Variants in APTX observed in about 807,000 individuals in gnomAD.
APTX encodes the protein aprataxin, also known as forkhead-associated domain histidine triad-like protein.
APTX carries 33 observed loss-of-function variants against 42.3 expected under a neutral mutation model. The ratio of observed to expected loss-of-function variants is 0.78; its 90% CI spans 0.59 to 1.04. The LOEUF (loss-of-function observed/expected upper bound fraction) is 1.04, where lower values mean the gene tolerates loss of function less well. Ranked by LOEUF, APTX falls within the 50% of genes least tolerant of loss-of-function variation. The pLI is 0.00. For synonymous variants in APTX, 130 were observed against 146.7 expected, an observed-to-expected ratio of 0.89 and a Z score of 0.82; for missense variants, 421 against 415.1, an observed-to-expected ratio of 1.01 and a Z score of -0.12.
chr9:33,013,204 T>C (rs1837660091), intron 1 of APTX, among the ~76,000 whole-genome samples: 1 of 152,226 alleles, frequency 6.6e-6, no homozygotes, highest in East Asian at 1.9e-4. Flanking sequence ...TCTGCACACC[T>C]TGTACATGTT....
intron 7 of APTX, among the ~76,000 whole-genome samples, chr9:32,974,057 T>A (rs527983160): frequency 1.3e-5 from 2 of 152,066 alleles, no homozygotes; most frequent in Admixed American, 6.6e-5. Context: ...TTCTTCTACA[T>A]ATACACAGGG....
At position 32,986,207 on chromosome 9, in the gene APTX, C is replaced by T. The variant is rs531621797; in HGVS notation, c.484-177G>A. 6.6e-6 allele frequency: 5 copies of T among 753,334 alleles called. No individual in the cohort carries two copies. In the East Asian group the frequency reaches 9.9e-5, roughly 15 times the overall value. 46.7% of individuals were successfully genotyped at this position (753,334 alleles called of 1,614,324 possible). ...CACTTGACTCTGCTTCACTCCATTGCCTTCCTATATTCTCTTTTTTTTTGA... is the reference window on the plus strand; with the variant it reads ...CACTTGACTCTGCTTCACTCCATTGTCTTCCTATATTCTCTTTTTTTTTGA... On this transcript the variant is annotated intron_variant, in intron 4 of 7. Transcript: ENST00000379817.
At chr9:33,019,774 A>G in intron 1 of APTX, 7 of 599,650 alleles carry the variant, frequency 1.2e-5, no homozygotes, top group East Asian at 3.3e-5. Context: ...GAAAGTTGAT[A>G]AGGGAAATTC....
chr9:32,990,677 G>A (rs1833393037), intron 1 of APTX, among the ~76,000 whole-genome samples: 1 of 152,194 alleles, frequency 6.6e-6, no homozygotes, highest in Non-Finnish European at 1.5e-5. Flanking sequence ...TAAAAGGACT[G>A]ACTGACTCTT....
At position 33,011,151 on chromosome 9, in the gene APTX, G is replaced by GA. The variant is rs879879032; in HGVS notation, c.-5+13871dup. Among the ~76,000 whole-genome samples, 361 of 146,352 alleles carry GA rather than the reference G, an allele frequency of 2.5e-3. 1 individual carries two copies. The highest frequency in any genetic ancestry group is 2.2e-3 in the Non-Finnish European group (144 of 66,038). The stretch of plus-strand genomic sequence containing the variant: ...GAGTGAGACTCCGTCTCAAAAAAAA[G>GA]AAAAAAAAAAGTGGTGAGGATGTCT... On this transcript the variant is annotated intron_variant, in intron 1 of 6. Coordinates refer to the APTX transcript ENST00000436040.
upstream of APTX, chr9:33,001,788 T>C (rs1836616155): frequency 1.3e-6 from 1 of 750,720 alleles, no homozygotes; most frequent in Non-Finnish European, 2.2e-6. Flanking sequence ...TCCTGGAAGT[T>C]ATGCCTGTGG....
intron 1 of APTX, among the ~76,000 whole-genome samples, chr9:33,021,960 T>TAA (rs771015871): frequency 1.2e-4 from 15 of 126,418 alleles, no homozygotes; most frequent in Admixed American, 1.6e-4. Flanking sequence ...GCTGTTAATT[T>TAA]AAAAAAAAAA....
intron 6 of APTX, among the ~76,000 whole-genome samples, chr9:32,978,280 T>G (rs1201109547): frequency 6.6e-6 from 1 of 152,188 alleles, no homozygotes; most frequent in African/African-American, 2.4e-5. Flanking sequence ...CATTCCTTCT[T>G]CCCAGGTATG....
intron 1 of APTX, among the ~76,000 whole-genome samples, chr9:33,010,122 G>A (rs879592677): frequency 3.2e-4 from 49 of 152,110 alleles, no homozygotes; most frequent in Admixed American, 3.2e-3. Flanking sequence ...AGAACCTTAC[G>A]GTATCTGGGC....
chr9:33,022,794 T>C (rs1838492767), intron 1 of APTX, among the ~76,000 whole-genome samples: 1 of 150,624 alleles, frequency 6.6e-6, no homozygotes, highest in African/African-American at 2.5e-5. Flanking sequence ...TTATTGCCAG[T>C]TTTTTTATTT....
intron 3 of APTX, 106 bp from the exon 4 acceptor site, chr9:32,987,952 T>TA: frequency 6.6e-7 from 1 of 1,516,694 alleles, no homozygotes; most frequent in South Asian, 1.1e-5. Flanking sequence ...CACCTTGCCT[T>TA]ATGTTCACCT....
At chr9:32,992,075 A>C (rs1833775573) in intron 1 of APTX, among the ~76,000 whole-genome samples, 1 of 152,140 alleles carries the variant, frequency 6.6e-6, no homozygotes, top group South Asian at 2.1e-4. Flanking sequence ...GAGATCACCC[A>C]ATGAGGTGAA....
intron 4 of APTX, 25 bp from the exon 5 acceptor site, chr9:32,986,055 C>CAAAAAA (rs748400752): frequency 9.6e-6 from 5 of 522,952 alleles, no homozygotes; most frequent in Non-Finnish European, 7.9e-6. Context: ...AAAAAAAAAA[C>CAAAAAA]AAAAAAAAAA....
chr9:33,024,099 T>C (rs1838638615), intron 1 of APTX, among the ~76,000 whole-genome samples: 1 of 152,242 alleles, frequency 6.6e-6, no homozygotes, highest in Non-Finnish European at 1.5e-5. Flanking sequence ...TTCTACCTCA[T>C]GGTTTCTCTG....
At chr9:32,997,040 T>C (rs2119036122) in intron 1 of APTX, among the ~76,000 whole-genome samples, 1 of 152,370 alleles carries the variant, frequency 6.6e-6, no homozygotes, top group East Asian at 1.9e-4. Flanking sequence ...ATAGCCAATA[T>C]GTGCCAGAAC....
At chr9:33,019,551 G>A in intron 1 of APTX, 3 of 339,194 alleles carry the variant, frequency 8.8e-6, no homozygotes, top group Non-Finnish European at 1.6e-5. Context: ...AGAAAACAAG[G>A]GACCCCTGAG....
At chr9:33,002,166 A>AT (rs2119160735), upstream of APTX, among the ~76,000 whole-genome samples, 1 of 152,202 alleles carries the variant, frequency 6.6e-6, no homozygotes, top group South Asian at 2.1e-4. Flanking sequence ...GCGTGTACTG[A>AT]TTTTTTACAG....
chr9:33,006,999 C>CAAAAAAAAAAAAAAAAAA (rs55924566), intron 1 of APTX, among the ~76,000 whole-genome samples: 26 of 49,454 alleles, frequency 5.3e-4, no homozygotes, highest in Non-Finnish European at 6.3e-4. Context: ...GACTCTGTCT[C>CAAAAAAAAAAAAAAAAAA]AAAAAAAAAA....
In APTX at chr9:32,973,406, G is replaced by A; in HGVS notation, c.*92C>T. 7.1e-7 allele frequency: 1 copy of A among 1,407,728 alleles called. No homozygotes were observed. Among genetic ancestry groups the A allele is most frequent in the South Asian group, 1.2e-5 (1 of 86,064 alleles). 87.2% of individuals were successfully genotyped at this position (1,407,728 alleles called of 1,614,324 possible). A position where few individuals can be genotyped will look rare whatever the true frequency, so the allele number is the denominator to read the frequency against. ...GAAAAAGCTGCATGTTTTAATTTAG[G>A]AAATGAGTAGAAGTTCACAAGCAAC... On this transcript the variant is annotated 3_prime_UTR_variant, in exon 8 of 8. Transcript: ENST00000379817.
Sources: allele counts gnomAD v4.1 joint callset (sites outside exome capture counted in the v4.1 genomes callset), GRCh38; gene constraint gnomAD v4.1.1; transcripts MANE v1.5; gene names NCBI Gene and HGNC (gene_info 2026-07-23, HGNC 2026-07-21).